Variants in CDYL2 observed in about 807,000 individuals in gnomAD.
CDYL2 encodes chromodomain Y-like protein 2.
CDYL2 carries 23 observed loss-of-function variants against 49.4 expected under a neutral mutation model. That is an observed-to-expected ratio of 0.47 (90% CI 0.34 to 0.66). The LOEUF (loss-of-function observed/expected upper bound fraction) is 0.66, where lower values mean the gene tolerates loss of function less well. Ranked by LOEUF, CDYL2 falls within the 30% of genes least tolerant of loss-of-function variation. CDYL2 has a pLI of 0.01. For synonymous variants in CDYL2, 360 were observed against 268.8 expected (o/e 1.34, Z -3.32); for missense variants, 678 against 656.4 (o/e 1.03, Z -0.36).
intron 3 of CDYL2, among the ~76,000 whole-genome samples, chr16:80,630,234 A>C (rs1367753558): frequency 6.6e-6 from 1 of 152,180 alleles, no homozygotes; most frequent in East Asian, 1.9e-4. Flanking sequence ...TCTGTAACCA[A>C]CTGACACTGA....
At chr16:80,750,431 G>A (rs1427006573) in intron 1 of CDYL2, among the ~76,000 whole-genome samples, 1 of 149,158 alleles carries the variant, frequency 6.7e-6, no homozygotes, top group African/African-American at 2.5e-5. Context: ...TAAAAGCACT[G>A]ATTAAAAAAC....
At position 80,641,360 on chromosome 16, in the gene CDYL2, A is replaced by C. The variant is rs565719806; in HGVS notation, c.617-8124T>G. ...AAAAACAAAACAAAACAAAACAAAA[A>C]AACTTTTACCCTAGTATAGTATATC... On this transcript the variant is annotated intron_variant, in intron 2 of 6. Coordinates refer to ENST00000570137, the MANE Select transcript of CDYL2 (RefSeq NM_152342.4). 9.2e-5 allele frequency among the ~76,000 whole-genome samples: 14 copies of C among 152,268 alleles called. No homozygotes were observed. In the South Asian group the frequency reaches 2.9e-3, roughly 32 times the overall value.
At chr16:80,795,181 T>C (rs775078939) in intron 1 of CDYL2, among the ~76,000 whole-genome samples, 9 of 152,178 alleles carry the variant, frequency 5.9e-5, no homozygotes, top group Non-Finnish European at 1.2e-4. Flanking sequence ...GGGAGGGCAG[T>C]GGCCTCTCAA....
intron 3 of CDYL2, among the ~76,000 whole-genome samples, chr16:80,631,227 T>C (rs1186910178): frequency 2.0e-5 from 3 of 152,134 alleles, no homozygotes; most frequent in Non-Finnish European, 4.4e-5. Flanking sequence ...CAATCCTACA[T>C]CAGAAGGGAG....
intron 2 of CDYL2, among the ~76,000 whole-genome samples, chr16:80,676,649 T>C (rs1027650689): frequency 2.0e-5 from 3 of 152,206 alleles, no homozygotes; most frequent in East Asian, 3.9e-4. Flanking sequence ...AAGGGAACTA[T>C]AATAAGCCCA....
At chr16:80,728,980 C>T (rs1333408672) in intron 1 of CDYL2, among the ~76,000 whole-genome samples, 1 of 151,734 alleles carries the variant, frequency 6.6e-6, no homozygotes, top group Non-Finnish European at 1.5e-5. Context: ...ACAACCGGTA[C>T]CAGCCACTGC....
At chr16:80,744,933 C>G (rs1567592694) in intron 1 of CDYL2, among the ~76,000 whole-genome samples, 1 of 152,180 alleles carries the variant, frequency 6.6e-6, no homozygotes, top group Admixed American at 6.5e-5. Context: ...ACCTGTCTCC[C>G]CTAGGCCTGG....
Position 80,685,122 on chromosome 16 carries a change from C to T in CDYL2, c.32G>A (p.Arg11Lys). 6.2e-7 allele frequency: 1 copy of T among 1,608,036 alleles called. No individual in the cohort carries two copies. Among genetic ancestry groups the T allele is most frequent in the Non-Finnish European group, 8.5e-7 (1 of 1,176,274 alleles). The change falls in exon 2 of 7, where the codon AGG becomes AAG. Residue 11 changes from arginine to lysine, a missense_variant. Around this residue, in one of 3 missense-constraint regions of CDYL2, gnomAD observed 478 missense variants for 427.0 expected, o/e 1.12. Coordinates refer to ENST00000570137, the MANE Select transcript of CDYL2 (RefSeq NM_152342.4). MASGDLYEVE[R>K]IVDKRKNKKG... ...CTTGTTCTTCCTCTTGTCTACAATCCTTTCAACCTGCGATACAAGATGAGA... is the reference window on the plus strand; with the variant it reads ...CTTGTTCTTCCTCTTGTCTACAATCTTTTCAACCTGCGATACAAGATGAGA...
rs1486521269 is a variant in CDYL2, at chr16:80,675,791, A to C, written c.616+8747T>G. Among the ~76,000 whole-genome samples the C allele has an allele frequency of 2.0e-5, 3 of 151,974 alleles. No individual in the cohort carries two copies. The East Asian group carries it at 5.8e-4, about 29-fold the overall frequency. On this transcript the variant is annotated intron_variant, in intron 2 of 6. Transcript: ENST00000570137. ...TATTGTTTTGGAGCCCTCTACAGAC[A>C]CTGTACCCGCTTACTGCTTGCTCCT...
At chr16:80,669,315 C>T (rs1476913372) in intron 2 of CDYL2, among the ~76,000 whole-genome samples, 2 of 152,052 alleles carry the variant, frequency 1.3e-5, no homozygotes, top group African/African-American at 4.8e-5. Flanking sequence ...TATTGACCCC[C>T]AAGGCCCCAC....
chr16:80,762,550 A>T lies in CDYL2; in HGVS notation c.24+41600T>A, dbSNP rs546073679. On this transcript the variant is annotated intron_variant, in intron 1 of 6. Coordinates refer to ENST00000570137, the MANE Select transcript of CDYL2 (RefSeq NM_152342.4). ...CAAAGCGTGATGCAGAGGTCACGCC[A>T]CTGCTTGGAAAAGTTGCTGCCATGG... Among the ~76,000 whole-genome samples the T allele has an allele frequency of 6.6e-5, 10 of 152,348 alleles. No individual in the cohort carries two copies. In the East Asian group the frequency reaches 1.9e-3, roughly 29 times the overall value.
chr16:80,724,613 C>T (rs757342693), intron 1 of CDYL2, among the ~76,000 whole-genome samples: 26 of 152,306 alleles, frequency 1.7e-4, no homozygotes, highest in Non-Finnish European at 2.8e-4. Context: ...TGTGTATTGC[C>T]TGTAATATTG....
At chr16:80,617,853 T>C (rs1432495480) in intron 4 of CDYL2, among the ~76,000 whole-genome samples, 1 of 152,172 alleles carries the variant, frequency 6.6e-6, no homozygotes, top group Non-Finnish European at 1.5e-5. Flanking sequence ...GGTGCAGAAA[T>C]CTGGTTAGCA....
Position 80,667,805 on chromosome 16 carries a change from G to A in CDYL2, c.616+16733C>T, listed in dbSNP as rs149704649. On this transcript the variant is annotated intron_variant, in intron 2 of 6. Transcript: ENST00000570137. Reference sequence around the variant, plus strand: ...AATATGTTAAGGGCTTCCTATAAACGAATTCATTTATTCTTTACCCCCAAC... The same window carrying A: ...AATATGTTAAGGGCTTCCTATAAACAAATTCATTTATTCTTTACCCCCAAC... Among the ~76,000 whole-genome samples, 17 of 152,232 alleles carry A rather than the reference G, an allele frequency of 1.1e-4. No individual in the cohort carries two copies. In the East Asian group the frequency reaches 1.2e-3, roughly 10 times the overall value.
chr16:80,708,458 G>A (rs1257570359), intron 1 of CDYL2, among the ~76,000 whole-genome samples: 6 of 152,178 alleles, frequency 3.9e-5, no homozygotes. Context: ...ATGTGGAAAC[G>A]TGAGGCCATT....
intron 1 of CDYL2, among the ~76,000 whole-genome samples, chr16:80,690,979 T>A (rs1324874080): frequency 6.6e-6 from 1 of 152,076 alleles, no homozygotes; most frequent in Non-Finnish European, 1.5e-5. Flanking sequence ...AGGGATATCT[T>A]CCCAACACAT....
intron 1 of CDYL2, among the ~76,000 whole-genome samples, chr16:80,725,070 T>C (rs1402742637): frequency 6.6e-6 from 1 of 152,110 alleles, no homozygotes; most frequent in Admixed American, 6.6e-5. Flanking sequence ...TCACCTTCTA[T>C]CGGTTCCAAG....
chr16:80,703,898 C>T (rs1196729252), intron 1 of CDYL2, among the ~76,000 whole-genome samples: 1 of 152,216 alleles, frequency 6.6e-6, no homozygotes, highest in Non-Finnish European at 1.5e-5. Context: ...GCAGAGCAGC[C>T]ACCTCCCTTC....
At chr16:80,683,361 C>G (rs569676614) in intron 2 of CDYL2, among the ~76,000 whole-genome samples, 16 of 152,346 alleles carry the variant, frequency 1.1e-4, no homozygotes, top group African/African-American at 3.4e-4. Flanking sequence ...GCACAAGCAG[C>G]TAACCTGAAA....
Sources: allele counts gnomAD v4.1 joint callset (sites outside exome capture counted in the v4.1 genomes callset), GRCh38; gene constraint gnomAD v4.1.1; regional missense constraint gnomAD v4.1.1; transcripts MANE v1.5; gene names NCBI Gene and HGNC (gene_info 2026-07-23, HGNC 2026-07-21).